EIF2B3: variants seen among roughly 807,000 people sequenced by gnomAD.
The protein encoded by EIF2B3 is eukaryotic translation initiation factor 2B subunit gamma.
EIF2B3 carries 20 observed loss-of-function variants against 54.1 expected under a neutral mutation model. The ratio of observed to expected loss-of-function variants is 0.37; its 90% CI spans 0.26 to 0.54. The LOEUF (loss-of-function observed/expected upper bound fraction) is 0.54. Ranked by LOEUF, EIF2B3 falls within the 20% of genes least tolerant of loss-of-function variation. The pLI is 0.86. For missense variants in EIF2B3, 448 were observed against 547.8 expected (o/e 0.82, Z 1.82); for synonymous variants, 153 against 188.1 (o/e 0.81, Z 1.52).
chr1:44,962,255 G>T (rs190652442), intron 3 of EIF2B3, among the ~76,000 whole-genome samples: 1 of 137,906 alleles, frequency 7.3e-6, no homozygotes, highest in African/African-American at 2.7e-5. Context: ...CTTCCTCTGG[G>T]AGAACATTCT....
intron 3 of EIF2B3, among the ~76,000 whole-genome samples, chr1:44,942,221 GTTA>G (rs1644031508): frequency 1.3e-5 from 2 of 150,574 alleles, no homozygotes; most frequent in South Asian, 4.2e-4. Flanking sequence ...GAAAGGCATT[GTTA>G]TTATTAATAT....
intron 3 of EIF2B3, among the ~76,000 whole-genome samples, chr1:44,942,006 A>G (rs1243126174): frequency 2.0e-5 from 3 of 152,098 alleles, no homozygotes; most frequent in African/African-American, 7.2e-5. Context: ...ATCTCTTTAT[A>G]GTTTAAAAGA....
chr1:44,858,089 T>TTTTTA (rs1553167737), intron 10 of EIF2B3, among the ~76,000 whole-genome samples: 1 of 149,934 alleles, frequency 6.7e-6, no homozygotes, highest in Non-Finnish European at 1.5e-5. Flanking sequence ...TTTTTTTTTT[T>TTTTTA]GAGACAGGGT....
At chr1:44,927,876 G>A (rs1039858253) in intron 4 of EIF2B3, among the ~76,000 whole-genome samples, 9 of 152,070 alleles carry the variant, frequency 5.9e-5, no homozygotes, top group African/African-American at 2.2e-4. Context: ...CAAAGAAAGA[G>A]AGAGTGGCTG....
intron 5 of EIF2B3, among the ~76,000 whole-genome samples, chr1:44,899,666 AAAC>A (rs373660820): frequency 5.9e-5 from 9 of 152,260 alleles, no homozygotes; most frequent in African/African-American, 1.7e-4. Context: ...TTAAAAAGTC[AAAC>A]AACAACAACA....
intron 3 of EIF2B3, among the ~76,000 whole-genome samples, chr1:44,973,979 T>A (rs1644428246): frequency 6.6e-6 from 1 of 152,048 alleles, no homozygotes; most frequent in African/African-American, 2.4e-5. Flanking sequence ...ATTCCCCAAA[T>A]ATTCTCTAAA....
At chr1:44,861,881 C>T (rs763509309) in intron 10 of EIF2B3, among the ~76,000 whole-genome samples, 3 of 152,044 alleles carry the variant, frequency 2.0e-5, no homozygotes, top group Admixed American at 6.6e-5. Context: ...CAATTGTTCC[C>T]CAGTATTATT....
At chr1:44,899,942 C>T (rs1376504680) in intron 5 of EIF2B3, among the ~76,000 whole-genome samples, 2 of 152,122 alleles carry the variant, frequency 1.3e-5, no homozygotes, top group African/African-American at 4.8e-5. Flanking sequence ...AGGTGCCCAT[C>T]AACAGTGGAC....
intron 6 of EIF2B3, among the ~76,000 whole-genome samples, chr1:44,886,355 C>T (rs1464919440): frequency 6.6e-6 from 1 of 152,188 alleles, no homozygotes; most frequent in Non-Finnish European, 1.5e-5. Flanking sequence ...GCTGGGATTA[C>T]AGGCGTTAGC....
intron 3 of EIF2B3, among the ~76,000 whole-genome samples, chr1:44,966,612 G>T (rs983596608): frequency 6.6e-6 from 1 of 152,060 alleles, no homozygotes; most frequent in African/African-American, 2.4e-5. Flanking sequence ...GGGCTCTAGA[G>T]CTGTGAAGCT....
At chr1:44,891,246 T>C (rs1417568934) in intron 6 of EIF2B3, among the ~76,000 whole-genome samples, 2 of 152,064 alleles carry the variant, frequency 1.3e-5, no homozygotes, top group Non-Finnish European at 2.9e-5. Flanking sequence ...ACTACAGGCA[T>C]GTGCCACCAT....
chr1:44,917,755 CTTTTTTTTTTTTTTTTTTTT>C (rs869139321), intron 5 of EIF2B3, among the ~76,000 whole-genome samples: 13 of 44,232 alleles, frequency 2.9e-4, no homozygotes, highest in Admixed American at 7.0e-4. Flanking sequence ...CAATAACACT[CTTTTTTTTTTTTTTTTTTTT>C]TTTTTTTTTT....
chr1:44,934,591 A>G (rs112816498), intron 4 of EIF2B3, among the ~76,000 whole-genome samples: 25,749 of 151,590 alleles, frequency 0.17, 2,293 homozygotes, highest in Non-Finnish European at 0.18. Flanking sequence ...TACAACCTCC[A>G]CCTCCCAGGT....
intron 4 of EIF2B3, among the ~76,000 whole-genome samples, chr1:44,938,165 T>C (rs907283085): frequency 2.2e-4 from 33 of 152,238 alleles, no homozygotes; most frequent in Admixed American, 3.3e-4. Flanking sequence ...CAGGCTGTTC[T>C]GGCACACAAC....
intron 3 of EIF2B3, among the ~76,000 whole-genome samples, chr1:44,950,551 T>TG (rs1392378012): frequency 6.6e-6 from 1 of 151,838 alleles, no homozygotes; most frequent in Non-Finnish European, 1.5e-5. Flanking sequence ...GGGGTGGGGG[T>TG]GGTCAGGGGA....
intron 10 of EIF2B3, among the ~76,000 whole-genome samples, chr1:44,867,523 C>G (rs1211346259): frequency 1.3e-5 from 2 of 152,064 alleles, no homozygotes; most frequent in South Asian, 4.2e-4. Context: ...AAGCACATAA[C>G]GAATATGAGA....
At position 44,978,310 on chromosome 1, in the gene EIF2B3, T is replaced by G. The variant is rs1383883713; in HGVS notation, c.294+5A>C. ...AACAAGAAGAGTCAAAAAATTGCTTTTCACCTTAAGTTTTGGATATATGTA... is the reference window on the plus strand; with the variant it reads ...AACAAGAAGAGTCAAAAAATTGCTTGTCACCTTAAGTTTTGGATATATGTA... On this transcript the variant is annotated splice_donor_5th_base_variant and intron_variant, in intron 3 of 11. Coordinates refer to ENST00000360403, the MANE Select transcript of EIF2B3 (RefSeq NM_020365.5). 1 of 1,613,864 alleles carries G rather than the reference T, an allele frequency of 6.2e-7. No individual in the cohort carries two copies. Among genetic ancestry groups the G allele is most frequent in the Admixed American group, 1.7e-5 (1 of 59,984 alleles).
intron 4 of EIF2B3, among the ~76,000 whole-genome samples, chr1:44,930,090 C>T (rs1324748640): frequency 6.6e-6 from 1 of 151,952 alleles, no homozygotes; most frequent in Non-Finnish European, 1.5e-5. Flanking sequence ...GTTTTTTTCC[C>T]TAGTTGATTT....
intron 8 of EIF2B3, among the ~76,000 whole-genome samples, chr1:44,877,211 A>AAAAAAAAAAAAAAAAAC (rs1655218086): frequency 6.7e-6 from 1 of 148,922 alleles, no homozygotes; most frequent in African/African-American, 2.5e-5. Context: ...AAAAAAAAAA[A>AAAAAAAAAAAAAAAAAC]AAAAAAAAAA....
Sources: gnomAD v4.1 joint callset for allele counts (sites outside exome capture counted in the v4.1 genomes callset) on GRCh38, gnomAD v4.1.1 for gene constraint, MANE v1.5 for transcripts, NCBI Gene and HGNC (gene_info 2026-07-23, HGNC 2026-07-21) for gene names.